BLTP1: variants seen among roughly 807,000 people sequenced by gnomAD.
The protein encoded by BLTP1 is bridge-like lipid transfer protein family member 1.
At chr4:122,266,526 TTAGG>T in the BLTP1 span, among the ~76,000 whole-genome samples, 2 of 152,080 alleles carry the variant, frequency 1.3e-5, no homozygotes, top group African/African-American at 2.4e-5. Context: ...TTTCAGACAC[TTAGG>T]TAGGGTCAAG....
the BLTP1 span, chr4:122,343,753 A>C: frequency 1.1e-6 from 1 of 906,276 alleles, no homozygotes; most frequent in South Asian, 1.8e-5. Context: ...TCTCATATTT[A>C]CGTAATAAGT....
At chr4:122,317,257 G>A in the BLTP1 span, among the ~76,000 whole-genome samples, 2 of 151,870 alleles carry the variant, frequency 1.3e-5, no homozygotes, top group Non-Finnish European at 2.9e-5. Flanking sequence ...GCTTGAGCCC[G>A]GGAGGAGGAG....
the BLTP1 span, among the ~76,000 whole-genome samples, chr4:122,342,512 C>T: frequency 3.3e-5 from 5 of 151,974 alleles, no homozygotes; most frequent in East Asian, 1.9e-4. Context: ...CGTGCCACCA[C>T]GCCCGGCTAG....
At chr4:122,276,619 T>C in the BLTP1 span, 1 of 983,420 alleles carries the variant, frequency 1.0e-6, no homozygotes, top group Non-Finnish European at 1.2e-6. Flanking sequence ...ACTTGAAATG[T>C]TGGTGTTAAA....
At chr4:122,235,600 T>C in the BLTP1 span, 6 of 300,568 alleles carry the variant, frequency 2.0e-5, no homozygotes, top group Non-Finnish European at 2.9e-5. Flanking sequence ...GGTCAGGAGA[T>C]CAAGACCATC....
chr4:122,277,546 A>G, the BLTP1 span: 3 of 952,040 alleles, frequency 3.2e-6, no homozygotes, highest in African/African-American at 3.5e-5. Context: ...TGTTCTAGGC[A>G]TTGGAAAGAG....
At chr4:122,167,938 C>T in the BLTP1 span, 1 of 964,274 alleles carries the variant, frequency 1.0e-6, no homozygotes, top group Non-Finnish European at 1.2e-6. Context: ...CCATAAGTCT[C>T]CAGTCTCTCA....
the BLTP1 span, chr4:122,209,744 A>T: frequency 6.5e-7 from 1 of 1,529,546 alleles, no homozygotes; most frequent in Non-Finnish European, 8.8e-7. Flanking sequence ...AAATTTGATT[A>T]TCTGCAACTG....
At chr4:122,360,135 C>T in the BLTP1 span, 6 of 758,462 alleles carry the variant, frequency 7.9e-6, no homozygotes, top group Non-Finnish European at 9.6e-6. Flanking sequence ...TAATTTCTTG[C>T]TGTATATATG....
At chr4:122,227,557 A>C in the BLTP1 span, 1 of 790,098 alleles carries the variant, frequency 1.3e-6, no homozygotes, top group Non-Finnish European at 1.5e-6. Flanking sequence ...CACAGTGGTT[A>C]ACAACTTAGT....
the BLTP1 span, among the ~76,000 whole-genome samples, chr4:122,290,363 A>G: frequency 6.6e-6 from 1 of 152,174 alleles, no homozygotes; most frequent in South Asian, 2.1e-4. Context: ...AACATACAGA[A>G]GTTTTGGTGT....
the BLTP1 span, chr4:122,333,872 A>G: frequency 2.1e-5 from 32 of 1,540,494 alleles, no homozygotes; most frequent in Non-Finnish European, 2.8e-5. Context: ...ATTTTCTATC[A>G]TATATGTTCA....
the BLTP1 span, chr4:122,274,492 T>C: frequency 1.3e-5 from 20 of 1,562,330 alleles, no homozygotes; most frequent in Non-Finnish European, 1.5e-5. Context: ...AAAATGGAAA[T>C]TCTTTGGATA....
At chr4:122,331,376 T>TCA in the BLTP1 span, 1 of 1,611,880 alleles carries the variant, frequency 6.2e-7, no homozygotes, top group Non-Finnish European at 8.5e-7. Context: ...CATCAGCTAT[T>TCA]TACAGAACGC....
chr4:122,299,010 G>A, the BLTP1 span: 585 of 985,330 alleles, frequency 5.9e-4, 3 homozygotes, highest in African/African-American at 9.0e-3. Flanking sequence ...TTATACTTGC[G>A]TTCAGGAAAA....
chr4:122,153,684 C>A, the BLTP1 span, among the ~76,000 whole-genome samples: 1 of 152,126 alleles, frequency 6.6e-6, no homozygotes, highest in African/African-American at 2.4e-5. Flanking sequence ...TTCTTGCCGG[C>A]AAGGACCCAA....
the BLTP1 span, chr4:122,261,937 A>G: frequency 1.0e-6 from 1 of 985,372 alleles, no homozygotes; most frequent in Non-Finnish European, 1.2e-6. Flanking sequence ...GAGGAGGTTA[A>G]GACATTTAAG....
the BLTP1 span, chr4:122,170,645 G>A: frequency 6.4e-7 from 1 of 1,561,252 alleles, no homozygotes; most frequent in Non-Finnish European, 8.6e-7. Context: ...AAAAACTTTA[G>A]TAATGGATCA....
chr4:122,239,598 C>T, the BLTP1 span: 1 of 1,614,080 alleles, frequency 6.2e-7, no homozygotes, highest in East Asian at 2.2e-5. Flanking sequence ...TCTTAGATCT[C>T]CCTTGAAACG....
Sources: allele counts gnomAD v4.1 joint callset (sites outside exome capture counted in the v4.1 genomes callset), GRCh38; gene constraint gnomAD v4.1.1; transcripts MANE v1.5; gene names NCBI Gene and HGNC (gene_info 2026-07-23, HGNC 2026-07-21).